SLC25A21: variants seen among roughly 807,000 people sequenced by gnomAD.
SLC25A21 encodes the protein mitochondrial 2-oxodicarboxylate carrier.
A neutral mutation model predicts 43.8 loss-of-function variants in SLC25A21; 47 were observed. The observed-to-expected ratio is 1.07, with a 90% confidence interval of 0.85 to 1.37. The LOEUF (loss-of-function observed/expected upper bound fraction) is 1.37, where lower values mean the gene tolerates loss of function less well. SLC25A21 is among the 40% of genes most tolerant of loss of function. The pLI is 0.00. For missense variants in SLC25A21, 352 were observed against 350.2 expected (o/e 1.00, Z -0.04); for synonymous variants, 131 against 121.3 (o/e 1.08, Z -0.52).
At chr14:36,888,532 CAT>C (rs774827169) in intron 1 of SLC25A21, among the ~76,000 whole-genome samples, 13 of 151,608 alleles carry the variant, frequency 8.6e-5, no homozygotes, top group East Asian at 5.8e-4. Flanking sequence ...TCTATATATT[CAT>C]ATATATGTTA....
At chr14:36,762,333 G>A (rs1886189620) in intron 3 of SLC25A21, among the ~76,000 whole-genome samples, 1 of 152,112 alleles carries the variant, frequency 6.6e-6, no homozygotes, top group Admixed American at 6.5e-5. Flanking sequence ...TTTGCATGAG[G>A]AGACTGGGCT....
chr14:36,803,212 T>C (rs1447350887), intron 3 of SLC25A21, among the ~76,000 whole-genome samples: 8 of 152,222 alleles, frequency 5.3e-5, no homozygotes, highest in Admixed American at 1.3e-4. Flanking sequence ...AACAGGGTTG[T>C]AGACAGAGCC....
Position 36,679,377 on chromosome 14 carries a change from A to C in SLC25A21, c.*1281T>G. 1 of 977,602 alleles carries C rather than the reference A, an allele frequency of 1.0e-6. No individual in the cohort carries two copies. The allele number at this position is 977,602 out of a possible 1,614,324, so 60.6% of individuals were successfully genotyped here. A position where few individuals can be genotyped will look rare whatever the true frequency, so the allele number is the denominator to read the frequency against. On this transcript the variant is annotated 3_prime_UTR_variant, in exon 10 of 10. Coordinates refer to ENST00000331299, the MANE Select transcript of SLC25A21 (RefSeq NM_030631.4). ...AGTAATAATTACCATGTTATCTTTT[A>C]CTTTTTATTTTCAAAATGCTTTAGT...
chr14:37,136,250 G>T (rs1963478019), intron 1 of SLC25A21, among the ~76,000 whole-genome samples: 2 of 152,092 alleles, frequency 1.3e-5, no homozygotes, highest in Middle Eastern at 3.2e-3. Flanking sequence ...AATTAAAATG[G>T]TCTTGTCAAA....
At chr14:36,843,612 GA>G (rs1889452115) in intron 2 of SLC25A21, among the ~76,000 whole-genome samples, 1 of 133,266 alleles carries the variant, frequency 7.5e-6, no homozygotes, top group South Asian at 2.5e-4. Context: ...TGAATCACTT[GA>G]AACTAAGTTG....
At chr14:36,867,057 C>A (rs1026953949) in intron 2 of SLC25A21, among the ~76,000 whole-genome samples, 4 of 151,978 alleles carry the variant, frequency 2.6e-5, no homozygotes, top group African/African-American at 9.7e-5. Context: ...TGGGGTTTCA[C>A]TTCCCATCTC....
At chr14:37,100,269 G>A (rs2138863476) in intron 1 of SLC25A21, among the ~76,000 whole-genome samples, 1 of 152,124 alleles carries the variant, frequency 6.6e-6, no homozygotes, top group Non-Finnish European at 1.5e-5. Context: ...ATGTTGGCCA[G>A]GCTGGTCTCG....
At chr14:36,820,264 T>A (rs541774384) in intron 2 of SLC25A21, among the ~76,000 whole-genome samples, 14 of 152,324 alleles carry the variant, frequency 9.2e-5, no homozygotes, top group Admixed American at 8.5e-4. Context: ...CCATCATTCA[T>A]CCTTATTGTG....
intron 3 of SLC25A21, among the ~76,000 whole-genome samples, chr14:36,746,794 A>G (rs1885518260): frequency 6.6e-6 from 1 of 152,144 alleles, no homozygotes; most frequent in African/African-American, 2.4e-5. Context: ...ACTCTGTGCC[A>G]AGCACTAGGA....
At chr14:37,102,015 T>C (rs1350338684) in intron 1 of SLC25A21, among the ~76,000 whole-genome samples, 1 of 152,216 alleles carries the variant, frequency 6.6e-6, no homozygotes, top group African/African-American at 2.4e-5. Flanking sequence ...CATGAGTTAA[T>C]GAACATAAAA....
intron 4 of SLC25A21, 128 bp downstream of exon 4, chr14:36,734,379 T>C (rs920525912): frequency 5.2e-6 from 3 of 578,974 alleles, no homozygotes; most frequent in African/African-American, 3.8e-5. Context: ...ATAAAAATTA[T>C]GCTATAATTT....
intron 1 of SLC25A21, among the ~76,000 whole-genome samples, chr14:36,897,892 G>T (rs1199041394): frequency 2.0e-5 from 3 of 152,156 alleles, no homozygotes; most frequent in African/African-American, 7.2e-5. Context: ...CGTTCCTCTG[G>T]AAGTTTTGTC....
At chr14:36,689,239 A>C (rs1882688475) in intron 7 of SLC25A21, among the ~76,000 whole-genome samples, 1 of 152,176 alleles carries the variant, frequency 6.6e-6, no homozygotes, top group Non-Finnish European at 1.5e-5. Context: ...GCCTTCATGA[A>C]ACCCATTCAC....
At chr14:36,881,269 C>T (rs1014749421) in intron 1 of SLC25A21, among the ~76,000 whole-genome samples, 3 of 152,086 alleles carry the variant, frequency 2.0e-5, no homozygotes, top group Non-Finnish European at 2.9e-5. Context: ...CTGTGGCCTG[C>T]GTATTCTTTA....
chr14:36,880,459 T>C (rs925601173), intron 1 of SLC25A21, among the ~76,000 whole-genome samples: 1 of 152,160 alleles, frequency 6.6e-6, no homozygotes, highest in Non-Finnish European at 1.5e-5. Flanking sequence ...TGTATTATTG[T>C]GTGACACTAC....
chr14:37,071,642 T>C (rs1044838204), intron 1 of SLC25A21, among the ~76,000 whole-genome samples: 8 of 152,242 alleles, frequency 5.3e-5, no homozygotes, highest in African/African-American at 1.9e-4. Flanking sequence ...GACTTCAACT[T>C]TCTTCAGTTA....
At chr14:36,983,410 C>T (rs1300439785) in intron 1 of SLC25A21, among the ~76,000 whole-genome samples, 3 of 151,066 alleles carry the variant, frequency 2.0e-5, no homozygotes, top group East Asian at 3.9e-4. Flanking sequence ...CAGCAGTAAA[C>T]AAAACAGTCA....
intron 1 of SLC25A21, among the ~76,000 whole-genome samples, chr14:37,047,657 G>A (rs968245262): frequency 1.3e-5 from 2 of 152,162 alleles, no homozygotes; most frequent in Non-Finnish European, 2.9e-5. Flanking sequence ...GTTTTGAAAC[G>A]AATCAGTAAA....
At chr14:37,119,062 C>T (rs1349752459) in intron 1 of SLC25A21, among the ~76,000 whole-genome samples, 1 of 152,102 alleles carries the variant, frequency 6.6e-6, no homozygotes, top group Non-Finnish European at 1.5e-5. Flanking sequence ...CCTCACTGCT[C>T]ATTATACACT....
Sources: allele counts gnomAD v4.1 joint callset (sites outside exome capture counted in the v4.1 genomes callset), GRCh38; gene constraint gnomAD v4.1.1; transcripts MANE v1.5; gene names NCBI Gene and HGNC (gene_info 2026-07-23, HGNC 2026-07-21).